Variants in MARCHF4 observed in about 807,000 individuals in gnomAD.
MARCHF4 encodes E3 ubiquitin-protein ligase MARCHF4.
A neutral mutation model predicts 43.9 loss-of-function variants in MARCHF4; 14 were observed. That is an observed-to-expected ratio of 0.32 (90% confidence interval 0.21 to 0.50). MARCHF4 has a LOEUF of 0.50. Ranked by LOEUF, MARCHF4 falls within the 20% of genes least tolerant of loss-of-function variation. The pLI, the probability that MARCHF4 is intolerant of heterozygous loss-of-function variation, is 0.98. For synonymous variants in MARCHF4, 226 were observed against 213.3 expected, an observed-to-expected ratio of 1.06 and a Z score of -0.52; for missense variants, 468 against 536.7, an observed-to-expected ratio of 0.87 and a Z score of 1.27.
At chr2:216,277,399 T>A (rs568764142) in intron 3 of MARCHF4, among the ~76,000 whole-genome samples, 1 of 152,262 alleles carries the variant, frequency 6.6e-6, no homozygotes, top group African/African-American at 2.4e-5. Flanking sequence ...TAACAATTTT[T>A]CCCAAATCCT....
chr2:216,334,032 A>T (rs1486088787), intron 1 of MARCHF4, among the ~76,000 whole-genome samples: 1 of 151,822 alleles, frequency 6.6e-6, no homozygotes, highest in East Asian at 1.9e-4. Flanking sequence ...CCCCCCAAAG[A>T]TGCCCGTATC....
intron 1 of MARCHF4, among the ~76,000 whole-genome samples, chr2:216,301,229 A>G (rs1043413551): frequency 6.6e-6 from 1 of 152,214 alleles, no homozygotes; most frequent in African/African-American, 2.4e-5. Flanking sequence ...AAACAGGTGC[A>G]TGGCAGCAAG....
chr2:216,276,534 C>T (rs1243110435), intron 3 of MARCHF4, among the ~76,000 whole-genome samples: 1 of 152,180 alleles, frequency 6.6e-6, no homozygotes, highest in African/African-American at 2.4e-5. Flanking sequence ...TGGTCTCTGG[C>T]TGCTGCAACC....
At chr2:216,316,295 G>A (rs946238146) in intron 1 of MARCHF4, among the ~76,000 whole-genome samples, 5 of 152,210 alleles carry the variant, frequency 3.3e-5, no homozygotes, top group African/African-American at 1.2e-4. Flanking sequence ...CCTTCCTGCT[G>A]AGAACATTCT....
chr2:216,306,425 A>G (rs1175965860), intron 1 of MARCHF4, among the ~76,000 whole-genome samples: 2 of 152,180 alleles, frequency 1.3e-5, no homozygotes, highest in African/African-American at 4.8e-5. Context: ...TGAAGACTTT[A>G]TTGTGTGTCT....
intron 1 of MARCHF4, 125 bp downstream of exon 1, chr2:216,369,620 G>T (rs1336354907): frequency 2.3e-5 from 16 of 700,680 alleles, no homozygotes; most frequent in Middle Eastern, 4.3e-4. Context: ...CATCAATGAG[G>T]GCTCTTAAAC....
In MARCHF4 at chr2:216,259,354, T is replaced by G. The variant is rs1446087311; in HGVS notation, c.1191A>C (p.Pro397=). 6.3e-7 allele frequency: 1 copy of G among 1,585,380 alleles called. No individual in the cohort carries two copies. The highest frequency in any genetic ancestry group is 1.7e-5 in the Admixed American group (1 of 57,880). The change falls in exon 4 of 4, where the codon CCA becomes CCC. Residue 397 remains proline (P), a synonymous_variant. Transcript: ENST00000273067. ...TCATGACCAGCTCTCGGCTGCTGCCTGGGGGACTTCGCTGTTCATGAGGTC... is the reference window on the plus strand; with the variant it reads ...TCATGACCAGCTCTCGGCTGCTGCCGGGGGGACTTCGCTGTTCATGAGGTC... ...HLRPHEQRSP[P]GSSRELVMRV...
rs1047001681 is a variant in MARCHF4, at chr2:216,322,298, G to T, written c.517-38569C>A. 2.6e-4 allele frequency among the ~76,000 whole-genome samples: 40 copies of T among 152,208 alleles called. 1 individual carries two copies. The highest frequency in any genetic ancestry group is 2.9e-5 in the Non-Finnish European group (2 of 68,040). On this transcript the variant is annotated intron_variant, in intron 1 of 3. Transcript: ENST00000273067. ...GAAGAAAATTAAAACCAGACGATTGGCCCACTGGTGATAAGTTGCCTGGAA... is the reference window on the plus strand; with the variant it reads ...GAAGAAAATTAAAACCAGACGATTGTCCCACTGGTGATAAGTTGCCTGGAA...
chr2:216,361,062 GC>G (rs1050967920), intron 1 of MARCHF4, among the ~76,000 whole-genome samples: 5 of 151,906 alleles, frequency 3.3e-5, no homozygotes, highest in Admixed American at 1.3e-4. Context: ...TGAACCTAAA[GC>G]TGCTCTAAAA....
chr2:216,309,610 A>T (rs185895425), intron 1 of MARCHF4, among the ~76,000 whole-genome samples: 1 of 152,234 alleles, frequency 6.6e-6, no homozygotes, highest in East Asian at 1.9e-4. Flanking sequence ...CTTCCCAGGG[A>T]TTTTACTTAA....
At chr2:216,303,325 C>A (rs1282109283) in intron 1 of MARCHF4, 2 of 152,284 alleles carry the variant, frequency 1.3e-5, no homozygotes, top group Non-Finnish European at 2.9e-5. Flanking sequence ...GCTTGGGTGC[C>A]CAGGCTCCTG....
rs1232308736 is a variant in MARCHF4, at chr2:216,293,932, A to G, written c.517-10203T>C. ...CATATCTGTATTTCTAATGACCTAAATGTGTAATATACTGTCCGTTTGTCT... is the reference window on the plus strand; with the variant it reads ...CATATCTGTATTTCTAATGACCTAAGTGTGTAATATACTGTCCGTTTGTCT... On this transcript the variant is annotated intron_variant, in intron 1 of 3. Transcript: ENST00000273067. Among the ~76,000 whole-genome samples, 2 of 89,226 alleles carry G rather than the reference A, an allele frequency of 2.2e-5. 1 individual carries two copies. The highest frequency in any genetic ancestry group is 6.5e-5 in the Non-Finnish European group (2 of 30,880). 58.5% of individuals were successfully genotyped at this position (89,226 alleles called of 152,430 possible).
chr2:216,314,784 C>T (rs143233920), intron 1 of MARCHF4, among the ~76,000 whole-genome samples: 5 of 152,190 alleles, frequency 3.3e-5, no homozygotes, highest in African/African-American at 9.6e-5. Flanking sequence ...AGGAGCCACT[C>T]GGTTGAAGAG....
At chr2:216,281,817 G>A (rs941129203) in intron 2 of MARCHF4, among the ~76,000 whole-genome samples, 1 of 152,146 alleles carries the variant, frequency 6.6e-6, no homozygotes, top group Non-Finnish European at 1.5e-5. Context: ...TAGGGACTCA[G>A]GAATATATCC....
At position 216,369,834 on chromosome 2, in the gene MARCHF4, T is replaced by G; in HGVS notation, c.427A>C (p.Lys143Gln). The G allele has an allele frequency of 6.2e-7, 1 of 1,614,018 alleles. No homozygotes were observed. The highest frequency in any genetic ancestry group is 1.1e-5 in the South Asian group (1 of 91,080). ...CCCAGTGAGTAGCGATCCTCGGTCTTCTCCTTACAGAAGTCATCTGAGGAG... is the reference window on the plus strand; with the variant it reads ...CCCAGTGAGTAGCGATCCTCGGTCTGCTCCTTACAGAAGTCATCTGAGGAG... ...SASSDDFCKEKTEDRYSLGSS... is the reference protein window; with the variant it reads ...SASSDDFCKEQTEDRYSLGSS... Residue 143 changes from lysine to glutamine, a missense_variant, in exon 1 of 4, where the codon AAG becomes CAG. Lys to Gln is a moderately conservative substitution (Grantham distance 53). This residue lies in a region of MARCHF4 where 158 missense variants were observed against 251.1 expected (regional missense o/e 0.63). Transcript: ENST00000273067.
At chr2:216,261,136 A>G (rs1285218068) in intron 3 of MARCHF4, among the ~76,000 whole-genome samples, 2 of 152,178 alleles carry the variant, frequency 1.3e-5, no homozygotes, top group African/African-American at 4.8e-5. Context: ...CAGTGACAAA[A>G]TACCACACAT....
intron 1 of MARCHF4, among the ~76,000 whole-genome samples, chr2:216,290,336 C>T (rs1267390527): frequency 3.3e-5 from 5 of 152,184 alleles, no homozygotes; most frequent in Non-Finnish European, 7.4e-5. Context: ...ATATCAAGTG[C>T]AAAGGCCCTG....
intron 1 of MARCHF4, among the ~76,000 whole-genome samples, chr2:216,288,451 C>T (rs554615362): frequency 9.2e-5 from 14 of 152,218 alleles, no homozygotes; most frequent in South Asian, 4.2e-4. Context: ...AGGAAGGGAA[C>T]GACCGCCTAA....
intron 1 of MARCHF4, among the ~76,000 whole-genome samples, chr2:216,326,607 T>C (rs1480523052): frequency 6.6e-6 from 1 of 152,114 alleles, no homozygotes; most frequent in African/African-American, 2.4e-5. Flanking sequence ...GTGGCACATA[T>C]ACACCGTGGA....
Sources: gnomAD v4.1 joint callset for allele counts (sites outside exome capture counted in the v4.1 genomes callset) on GRCh38, gnomAD v4.1.1 for gene constraint, gnomAD v4.1.1 regional missense constraint, MANE v1.5 for transcripts, NCBI Gene and HGNC (gene_info 2026-07-23, HGNC 2026-07-21) for gene names.